The following RSRC1 variants were observed in gnomAD, a reference collection of about 807,000 sequenced individuals.
RSRC1 encodes arginine and serine rich coiled-coil 1.
A neutral mutation model predicts 49.1 loss-of-function variants in RSRC1; 39 were observed. The observed-to-expected ratio is 0.79, with a 90% CI of 0.61 to 1.04. The LOEUF (loss-of-function observed/expected upper bound fraction) is 1.04, where lower values mean the gene tolerates loss of function less well. Ranked by LOEUF, RSRC1 falls within the 50% of genes least tolerant of loss-of-function variation. RSRC1 has a pLI of 0.00. For missense variants in RSRC1, 388 were observed against 402.4 expected (o/e 0.96, Z 0.31); for synonymous variants, 143 against 130.8 (o/e 1.09, Z -0.63).
rs1367213524 is a variant in RSRC1, at chr3:158,539,568, A to C, written c.759+2370A>C. The stretch of plus-strand genomic sequence containing the variant: ...CCTATGCAGCATGGTCTTTTGGCCT[A>C]CTTGGAAGTAGATTTTAGTACTAAT... On this transcript the variant is annotated intron_variant, in intron 8 of 9. Coordinates refer to ENST00000611884, the MANE Select transcript of RSRC1 (RefSeq NM_001271838.2). This position sits in a 1 kb window ranked among gnomAD's most constrained non-coding sequence, Gnocchi z 4.1. 6.6e-6 allele frequency among the ~76,000 whole-genome samples: 1 copy of C among 152,088 alleles called. No homozygotes were observed. Among genetic ancestry groups the C allele is most frequent in the Non-Finnish European group, 1.5e-5 (1 of 67,994 alleles).
chr3:158,477,802 A>T (rs111489322), intron 7 of RSRC1, among the ~76,000 whole-genome samples: 13 of 79,184 alleles, frequency 1.6e-4, no homozygotes, highest in Non-Finnish European at 2.7e-4. Flanking sequence ...AGGGATTTAT[A>T]TATATATATA....
intron 5 of RSRC1, among the ~76,000 whole-genome samples, chr3:158,354,269 G>A (rs1440346342): frequency 2.0e-5 from 3 of 152,116 alleles, no homozygotes; most frequent in African/African-American, 7.2e-5. Context: ...GATTACGGGC[G>A]TCAGCCACTG....
intron 6 of RSRC1, among the ~76,000 whole-genome samples, chr3:158,409,019 C>T (rs1392353237): frequency 1.3e-5 from 2 of 151,804 alleles, no homozygotes; most frequent in Non-Finnish European, 2.9e-5. Context: ...GGCAACAAGA[C>T]AAGATTCCGT....
chr3:158,509,312 T>A (rs922169203), intron 7 of RSRC1, among the ~76,000 whole-genome samples: 1 of 152,158 alleles, frequency 6.6e-6, no homozygotes, highest in African/African-American at 2.4e-5. Flanking sequence ...TTAGAAGATA[T>A]GTAAAGGGCA....
At chr3:158,369,380 A>T (rs971020298) in intron 6 of RSRC1, among the ~76,000 whole-genome samples, 1 of 152,090 alleles carries the variant, frequency 6.6e-6, no homozygotes, top group Non-Finnish European at 1.5e-5. Context: ...GGGGAAAATG[A>T]TGAATACTTT....
At chr3:158,210,811 A>T (rs1721631464) in intron 4 of RSRC1, among the ~76,000 whole-genome samples, 1 of 152,126 alleles carries the variant, frequency 6.6e-6, no homozygotes, top group African/African-American at 2.4e-5. Flanking sequence ...GGATTTCCTC[A>T]GTACTCCAAG....
At chr3:158,283,635 G>A (rs1046756781) in intron 4 of RSRC1, among the ~76,000 whole-genome samples, 2 of 152,054 alleles carry the variant, frequency 1.3e-5, no homozygotes, top group Admixed American at 1.3e-4. Context: ...CCATTATTGG[G>A]CATTTAGTTC....
At chr3:158,290,263 CT>C (rs1416096685) in intron 4 of RSRC1, among the ~76,000 whole-genome samples, 1 of 151,744 alleles carries the variant, frequency 6.6e-6, no homozygotes, top group African/African-American at 2.4e-5. Flanking sequence ...TAGAACTCAG[CT>C]TTTTTTGTTG....
chr3:158,391,031 G>A (rs967215163), intron 6 of RSRC1, among the ~76,000 whole-genome samples: 1 of 152,010 alleles, frequency 6.6e-6, no homozygotes, highest in Non-Finnish European at 1.5e-5. Context: ...TCTGCTTCAT[G>A]ATAGAGCTAC....
chr3:158,462,841 A>G (rs1192512730), intron 7 of RSRC1, among the ~76,000 whole-genome samples: 2 of 152,012 alleles, frequency 1.3e-5, no homozygotes, highest in African/African-American at 4.8e-5. Context: ...AGTCTGCAAT[A>G]TACAGTACCT....
intron 6 of RSRC1, among the ~76,000 whole-genome samples, chr3:158,419,605 T>C (rs1734929483): frequency 6.6e-6 from 1 of 151,938 alleles, no homozygotes; most frequent in African/African-American, 2.4e-5. Context: ...ATTTTTATTT[T>C]ATTGAAGATT....
Position 158,292,405 on chromosome 3 carries a change from T to G in RSRC1, c.495-5634T>G, listed in dbSNP as rs116060496. Reference sequence around the variant, plus strand: ...GGAAACTCATGGTTCCCAGAAGATTTAAGACAGGGAATGATTAAAAAAAGA... The same window carrying G: ...GGAAACTCATGGTTCCCAGAAGATTGAAGACAGGGAATGATTAAAAAAAGA... On this transcript the variant is annotated intron_variant, in intron 4 of 9. Transcript: ENST00000611884. Among the ~76,000 whole-genome samples, 1,162 of 152,276 alleles carry G rather than the reference T, an allele frequency of 7.6e-3. 21 individuals are homozygous for G. Among genetic ancestry groups the G allele is most frequent in the African/African-American group, 0.026 (1,096 of 41,556 alleles).
chr3:158,261,424 T>A (rs1169682430), intron 4 of RSRC1, among the ~76,000 whole-genome samples: 2 of 152,238 alleles, frequency 1.3e-5, no homozygotes, highest in Non-Finnish European at 2.9e-5. Context: ...TGGTGAAGTG[T>A]GTGTTTAAAT....
At chr3:158,524,671 T>G (rs1168386562) in intron 7 of RSRC1, among the ~76,000 whole-genome samples, 1 of 152,000 alleles carries the variant, frequency 6.6e-6, no homozygotes, top group Non-Finnish European at 1.5e-5. Flanking sequence ...ATAATGTACA[T>G]TTTCCATGAA....
At chr3:158,484,446 G>T (rs1013976393) in intron 7 of RSRC1, among the ~76,000 whole-genome samples, 2 of 152,072 alleles carry the variant, frequency 1.3e-5, no homozygotes, top group African/African-American at 4.8e-5. Context: ...TAAGTAAACC[G>T]TTGGCATATA....
chr3:158,439,097 A>G (rs1379951932), intron 6 of RSRC1, among the ~76,000 whole-genome samples: 24 of 152,304 alleles, frequency 1.6e-4, no homozygotes, highest in African/African-American at 5.1e-4. Context: ...AGAAATGCAA[A>G]TCAAAACCAC....
intron 3 of RSRC1, among the ~76,000 whole-genome samples, chr3:158,144,195 TAC>T (rs1410596753): frequency 7.9e-5 from 12 of 152,214 alleles, no homozygotes; most frequent in African/African-American, 2.9e-4. Context: ...GCAGGTTTGT[TAC>T]ATATGTATAC....
At chr3:158,127,602 C>G (rs1715710445) in intron 3 of RSRC1, among the ~76,000 whole-genome samples, 1 of 151,696 alleles carries the variant, frequency 6.6e-6, no homozygotes. Flanking sequence ...AGTTGTGCAT[C>G]TGTGTTCTTT....
chr3:158,427,963 CTG>C (rs1239474723), intron 6 of RSRC1, among the ~76,000 whole-genome samples: 12 of 151,758 alleles, frequency 7.9e-5, no homozygotes, highest in African/African-American at 2.4e-4. Flanking sequence ...TTATTTGAAA[CTG>C]TTGTATCAAA....
Sources: gnomAD v4.1 joint callset for allele counts (sites outside exome capture counted in the v4.1 genomes callset) on GRCh38, gnomAD v4.1.1 for gene constraint, Gnocchi (gnomAD v3.1) non-coding constraint, MANE v1.5 for transcripts, NCBI Gene and HGNC (gene_info 2026-07-23, HGNC 2026-07-21) for gene names.